Variants in RPGR observed in about 807,000 individuals in gnomAD.
RPGR encodes the protein retinitis pigmentosa GTPase regulator, also known as X-linked retinitis pigmentosa GTPase regulator.
RPGR carries 10 observed loss-of-function variants against 56.3 expected under a neutral mutation model. The observed-to-expected ratio is 0.18, with a 90% CI of 0.11 to 0.30. The LOEUF (loss-of-function observed/expected upper bound fraction) is 0.30, where lower values mean the gene tolerates loss of function less well. Ranked by LOEUF, RPGR falls within the 10% of genes least tolerant of loss-of-function variation. RPGR has a pLI of 1.00. For missense variants in RPGR, 538 were observed against 590.9 expected (o/e 0.91, Z 0.93); for synonymous variants, 197 against 212.9 (o/e 0.93, Z 0.65).
At chrX:38,270,945 C>T (rs1199612802) in intron 18 of RPGR, among the ~76,000 whole-genome samples, 1 of 111,677 alleles carries the variant, frequency 9.0e-6, no homozygotes, top group Non-Finnish European at 1.9e-5. Flanking sequence ...GAGAAAAATA[C>T]ATCAAGAAGG....
At chrX:38,290,107 A>C (rs1321511405) in intron 13 of RPGR, among the ~76,000 whole-genome samples, 1 of 112,357 alleles carries the variant, frequency 8.9e-6, no homozygotes, top group Non-Finnish European at 1.9e-5. Context: ...ACTAGCTCTA[A>C]ATTTTAACAA....
Position 38,286,589 on chromosome X carries a change from TCCCCTCTGTTTCCTCCTCTTC to T in RPGR, c.1905+484_1905+504del, listed in dbSNP as rs1304711822. 86 of 742,621 alleles carry T rather than the reference TCCCCTCTGTTTCCTCCTCTTC, an allele frequency of 1.2e-4. No homozygotes were observed. Among genetic ancestry groups the T allele is most frequent in the Non-Finnish European group, 1.5e-4 (86 of 584,583 alleles). The allele number at this position is 742,621 out of a possible 1,213,427, so 61.2% of individuals were successfully genotyped here. On this transcript the variant is annotated intron_variant, in intron 15 of 18. Transcript: ENST00000642395. ...CCTCCCTCCTCTTTTTCCTCCCCTC[TCCCCTCTGTTTCCTCCTCTTC>T]CCCCTCTCCTTGGTCTCCTTCTTCC... is the stretch of plus-strand genomic sequence containing the variant.
intron 15 of RPGR, chrX:38,285,868 T>C (rs1569235258): frequency 8.3e-7 from 1 of 1,201,729 alleles, no homozygotes; most frequent in Admixed American, 2.2e-5. Context: ...TTCCCTTTCT[T>C]CTCCTTCCTC....
chrX:38,326,998 G>A (rs1418935041), intron 1 of RPGR: 5 of 208,942 alleles, frequency 2.4e-5, no homozygotes, highest in Admixed American at 7.6e-5. Flanking sequence ...CGGAGGTTGC[G>A]GTGAGCCGAG....
At chrX:38,298,292 T>C in intron 10 of RPGR, 1 of 290,967 alleles carries the variant, frequency 3.4e-6, no homozygotes, top group Admixed American at 4.3e-5. Flanking sequence ...AACACATATA[T>C]ATATATGTCA....
chrX:38,299,093 C>T lies in RPGR; in HGVS notation c.1108G>A (p.Gly370Ser). The T allele has an allele frequency of 1.7e-6, 2 of 1,211,507 alleles. No individual in the cohort carries two copies. The highest frequency in any genetic ancestry group is 2.2e-6 in the Non-Finnish European group (2 of 895,391). ...TCGAATTCAATTTCTTTTGCCACAC[C>T]ACGATGAGGAGCAGCAAAAACTACC... Residue 370 changes from glycine (G) to serine (S), a missense_variant, in exon 10 of 19, where the codon GGT (glycine) becomes AGT (serine). Around this residue, in one of 2 missense-constraint regions of RPGR, gnomAD observed 357 missense variants for 325.8 expected, o/e 1.10. Coordinates refer to ENST00000642395, the MANE Select transcript of RPGR (RefSeq NM_000328.3).
chrX:38,303,774 G>C, intron 8 of RPGR: 1 of 297,124 alleles, frequency 3.4e-6, no homozygotes, highest in Non-Finnish European at 5.9e-6. Flanking sequence ...GATACCATTA[G>C]ATGAGCAGTA....
chrX:38,323,280 G>A, intron 2 of RPGR, 119 bp downstream of exon 2: 4 of 738,368 alleles, frequency 5.4e-6, no homozygotes, highest in Non-Finnish European at 8.0e-6. Context: ...CTCCAGCAAA[G>A]TAAAAAACAA....
In RPGR at chrX:38,269,547, AACTTT is replaced by A. The variant is rs1311763302; in HGVS notation, c.*74_*78del. The A allele has an allele frequency of 9.5e-6, 7 of 740,219 alleles. No homozygotes were observed. The highest frequency in any genetic ancestry group is 8.7e-5 in the African/African-American group (4 of 45,842). The allele number at this position is 740,219 out of a possible 1,213,427, so 61.0% of individuals were successfully genotyped here. ...ATATCTTTTAAAGACTACTATCAGAAACTTTACTTCATAAGTTATAACATTTTTCA... is the reference window on the plus strand; with the variant it reads ...ATATCTTTTAAAGACTACTATCAGAAACTTCATAAGTTATAACATTTTTCA... On this transcript the variant is annotated 3_prime_UTR_variant, in exon 19 of 19. Transcript: ENST00000642395.
intron 15 of RPGR, among the ~76,000 whole-genome samples, chrX:38,283,409 A>T (rs1269607750): frequency 8.9e-6 from 1 of 112,089 alleles, no homozygotes; most frequent in African/African-American, 3.2e-5. Flanking sequence ...GCTGGTAATG[A>T]ACAACTGCTG....
chrX:38,323,315 G>A, intron 2 of RPGR, 84 bp downstream of exon 2: 1 of 902,863 alleles, frequency 1.1e-6, no homozygotes, highest in Non-Finnish European at 1.6e-6. Flanking sequence ...TTTTCAACAT[G>A]TTTAAAACAC....
chrX:38,301,422 T>C (rs753013444), intron 8 of RPGR, 51 bp from the exon 9 acceptor site: 88 of 1,072,146 alleles, frequency 8.2e-5, no homozygotes, highest in Non-Finnish European at 1.1e-4. Flanking sequence ...CTTGTATGGA[T>C]CTATTTGTAA....
Position 38,319,763 on chromosome X carries a change from C to T in RPGR, c.311-776G>A, listed in dbSNP as rs1159753000. ...TACTCTGTTAATTAAATAAAAAGTA[C>T]ATCATGCCTAGATTATAAACATTTC... is the stretch of plus-strand genomic sequence containing the variant. On this transcript the variant is annotated intron_variant, in intron 4 of 18. Transcript: ENST00000642395. Among the ~76,000 whole-genome samples the T allele has an allele frequency of 8.0e-5, 9 of 112,119 alleles. No homozygotes were observed. The Admixed American group carries it at 8.5e-4, about 11-fold the overall frequency.
At chrX:38,282,333 C>T (rs1310258723) in intron 15 of RPGR, among the ~76,000 whole-genome samples, 1 of 110,597 alleles carries the variant, frequency 9.0e-6, no homozygotes, top group African/African-American at 3.3e-5. Context: ...AGTAAGTATG[C>T]TCCCACACCT....
rs1301264188 is a variant in RPGR at position 38,315,056 on chromosome X, G to A, written c.619+2260C>T. On this transcript the variant is annotated intron_variant, in intron 6 of 18. Transcript: ENST00000642395. ...GAATAAAGAAAATGTGGGGCCAGAC[G>A]CGGTGGCTCACACCTGTAATCCCAG... 1.7e-4 allele frequency among the ~76,000 whole-genome samples: 19 copies of A among 111,685 alleles called. No individual in the cohort carries two copies. The Admixed American group carries it at 1.7e-3, about 10-fold the overall frequency.
At chrX:38,325,459 C>G (rs2068033159) in intron 1 of RPGR, among the ~76,000 whole-genome samples, 3 of 111,740 alleles carry the variant, frequency 2.7e-5, no homozygotes, top group South Asian at 7.4e-4. Context: ...ATATAAAAGA[C>G]AGGTTACCAA....
intron 15 of RPGR, among the ~76,000 whole-genome samples, chrX:38,280,747 C>A (rs769558135): frequency 5.1e-4 from 57 of 111,138 alleles, no homozygotes; most frequent in African/African-American, 1.8e-3. Flanking sequence ...CTTGCCCAGG[C>A]TGGTCTTGAA....
Position 38,318,764 on chromosome X carries a change from G to A in RPGR, c.469+65C>T. On this transcript the variant is annotated intron_variant, in intron 5 of 18. Transcript: ENST00000642395. ...ACAGCAATGCTCCCTTCGGTTTACT[G>A]AGTTGGCATATATTGATCTACAGGA... 7 of 1,129,505 alleles carry A rather than the reference G, an allele frequency of 6.2e-6. No homozygotes were observed. In the South Asian group the frequency reaches 7.3e-5, roughly 12 times the overall value. 93.1% of individuals were successfully genotyped at this position (1,129,505 alleles called of 1,213,427 possible).
At chrX:38,322,816 T>TTTGTA (rs775222595) in intron 3 of RPGR, 37 bp downstream of exon 3, 5 of 1,057,296 alleles carry the variant, frequency 4.7e-6, no homozygotes, top group Non-Finnish European at 6.6e-6. Context: ...ATAAAAATAC[T>TTTGTA]TTATACAGTT....
Sources: gnomAD v4.1 joint callset for allele counts (sites outside exome capture counted in the v4.1 genomes callset) on GRCh38, gnomAD v4.1.1 for gene constraint, gnomAD v4.1.1 regional missense constraint, MANE v1.5 for transcripts, NCBI Gene and HGNC (gene_info 2026-07-23, HGNC 2026-07-21) for gene names.